GLT6D1: variants seen among roughly 807,000 people sequenced by gnomAD.
The protein encoded by GLT6D1 is putative glycosyltransferase 6 domain-containing protein 1.
A neutral mutation model predicts 12.3 loss-of-function variants in GLT6D1; 9 were observed. The observed-to-expected ratio is 0.73, with a 90% CI of 0.44 to 1.27. GLT6D1 has a LOEUF of 1.27. Ranked by LOEUF, GLT6D1 falls within the 50% of genes most tolerant of loss-of-function variation. The probability of loss-of-function intolerance (pLI) is 0.00; values close to 1 mark genes in which losing one functional copy is unlikely to be tolerated. For synonymous variants in GLT6D1, 128 were observed against 132.3 expected (o/e 0.97, Z 0.23); for missense variants, 335 against 346.2 (o/e 0.97, Z 0.26).
At chr9:135,633,904 T>C (rs2119146430) in intron 2 of GLT6D1, among the ~76,000 whole-genome samples, 1 of 152,314 alleles carries the variant, frequency 6.6e-6, no homozygotes, top group South Asian at 2.1e-4. Context: ...GAGCACCTCC[T>C]ACATGCCAGG....
chr9:135,629,033 A>C (rs982984025), intron 3 of GLT6D1, among the ~76,000 whole-genome samples: 2 of 151,854 alleles, frequency 1.3e-5, no homozygotes, highest in Admixed American at 1.3e-4. Flanking sequence ...TTTCTCTATT[A>C]TTCTTCTATT....
At chr9:135,629,582 G>C (rs541466877) in intron 3 of GLT6D1, among the ~76,000 whole-genome samples, 40 of 152,088 alleles carry the variant, frequency 2.6e-4, no homozygotes, top group Non-Finnish European at 2.6e-4. Flanking sequence ...TTCTTCTCTT[G>C]TTAGGTGGTT....
chr9:135,634,833 C>T (rs552452795), intron 2 of GLT6D1, among the ~76,000 whole-genome samples: 7 of 152,198 alleles, frequency 4.6e-5, no homozygotes, highest in South Asian at 4.2e-4. Context: ...TGACTGCAGC[C>T]GCCTCTCAGA....
chr9:135,626,394 G>T (rs1353026167), intron 3 of GLT6D1, among the ~76,000 whole-genome samples, 188 bp from the exon 4 acceptor site: 4 of 152,170 alleles, frequency 2.6e-5, no homozygotes, highest in Non-Finnish European at 2.9e-5. Context: ...TGATCTCCAC[G>T]TGGGGAAGCA....
chr9:135,635,459 C>T (rs1785934347), intron 2 of GLT6D1, among the ~76,000 whole-genome samples: 1 of 152,174 alleles, frequency 6.6e-6, no homozygotes, highest in Non-Finnish European at 1.5e-5. Context: ...AAACCAAGAT[C>T]TGTTGCTTTC....
intron 2 of GLT6D1, 124 bp downstream of exon 2, chr9:135,638,993 C>G (rs1417907709): frequency 1.1e-5 from 6 of 560,900 alleles, no homozygotes; most frequent in Non-Finnish European, 1.9e-5. Flanking sequence ...TATGGCACCA[C>G]TGCACTCCAG....
chr9:135,637,579 G>A (rs1400509937), intron 2 of GLT6D1, among the ~76,000 whole-genome samples: 1 of 151,972 alleles, frequency 6.6e-6, no homozygotes, highest in Non-Finnish European at 1.5e-5. Context: ...ATTTTTGGGT[G>A]TTAGCCGTTC....
Position 135,639,023 on chromosome 9 carries a change from C to A in GLT6D1, c.71+94G>T, listed in dbSNP as rs893572433. ...CTCCAGCCTGGGCAACAGAGTAAGA[C>A]CCTGTCTCAAAAATTAAATTAATTA... On this transcript the variant is annotated intron_variant, in intron 2 of 4. Coordinates refer to ENST00000371763, the MANE Select transcript of GLT6D1 (RefSeq NM_182974.3). The A allele has an allele frequency of 1.1e-5, 8 of 702,792 alleles. No homozygotes were observed. The African/African-American group carries it at 1.5e-4, about 13-fold the overall frequency. 43.5% of individuals were successfully genotyped at this position (702,792 alleles called of 1,614,324 possible). A position where few individuals can be genotyped will look rare whatever the true frequency, so the allele number is the denominator to read the frequency against.
In GLT6D1 at chr9:135,636,124, G is replaced by C. The variant is rs193177136; in HGVS notation, c.71+2993C>G. On this transcript the variant is annotated intron_variant, in intron 2 of 4. Coordinates refer to ENST00000371763, the MANE Select transcript of GLT6D1 (RefSeq NM_182974.3). ...AATCCCAGAATTTTGGGAGGCTGTG[G>C]CAGGCGGATCACCTGAGGTCAGGAG... is the stretch of plus-strand genomic sequence containing the variant. Among the ~76,000 whole-genome samples the C allele has an allele frequency of 2.2e-3, 330 of 152,258 alleles. 1 individual carries two copies. Among genetic ancestry groups the C allele is most frequent in the Non-Finnish European group, 3.3e-3 (222 of 68,018 alleles).
intron 3 of GLT6D1, 57 bp downstream of exon 3, chr9:135,631,373 AC>A (rs1257561600): frequency 3.8e-6 from 5 of 1,311,366 alleles, no homozygotes; most frequent in African/African-American, 1.5e-5. Flanking sequence ...AAAACCTGTT[AC>A]TTCCAATTGA....
At chr9:135,625,336 T>C (rs991525107) in intron 4 of GLT6D1, among the ~76,000 whole-genome samples, 8 of 152,170 alleles carry the variant, frequency 5.3e-5, no homozygotes, top group South Asian at 4.1e-4. Context: ...GCACACCTTT[T>C]GTACAGGACA....
chr9:135,624,487 G>A lies in GLT6D1; in HGVS notation c.441C>T (p.Pro147=). ...VGTERWWLDG[P]LVHVKSLGEH... ...CACCCAGGCTCTTCACATGCACCAG[G>A]GGGCCATCGAGCCACCACCTCTCGG... The change falls in exon 5 of 5, where the codon CCC becomes CCT. Residue 147 remains proline (P), a synonymous_variant. Coordinates refer to ENST00000371763, the MANE Select transcript of GLT6D1 (RefSeq NM_182974.3). 7 of 1,608,854 alleles carry A rather than the reference G, an allele frequency of 4.4e-6. No homozygotes were observed. The highest frequency in any genetic ancestry group is 1.3e-5 in the African/African-American group (1 of 74,534).
intron 1 of GLT6D1, 33 bp downstream of exon 1, chr9:135,639,260 C>T (rs1234317979): frequency 1.1e-6 from 1 of 895,216 alleles, no homozygotes; most frequent in East Asian, 2.6e-5. Context: ...CATCATCTAA[C>T]AATGGGTTAA....
chr9:135,631,649 T>C (rs918922395), intron 2 of GLT6D1, among the ~76,000 whole-genome samples, 171 bp from the exon 3 acceptor site: 15 of 152,004 alleles, frequency 9.9e-5, no homozygotes, highest in African/African-American at 3.6e-4. Flanking sequence ...GGGTATGAGC[T>C]AGTCTAGGAA....
At chr9:135,635,001 C>T (rs998278469) in intron 2 of GLT6D1, among the ~76,000 whole-genome samples, 10 of 152,190 alleles carry the variant, frequency 6.6e-5, no homozygotes, top group Admixed American at 3.9e-4. Context: ...GGTTCTGTGT[C>T]GTTGGTAGTG....
intron 3 of GLT6D1, among the ~76,000 whole-genome samples, chr9:135,629,948 C>G (rs907820082): frequency 2.0e-5 from 3 of 152,082 alleles, no homozygotes; most frequent in Non-Finnish European, 2.9e-5. Flanking sequence ...ATACACTTTT[C>G]AATTCTTTTA....
At position 135,639,391 on chromosome 9, in the gene GLT6D1, C is replaced by G; in HGVS notation, c.-105G>C. On this transcript the variant is annotated 5_prime_UTR_variant, in exon 1 of 5. Coordinates refer to ENST00000371763, the MANE Select transcript of GLT6D1 (RefSeq NM_182974.3). ...CAAGTGCCCGGGGCTGACTGTTCCC[C>G]GTGGGTCAGCTGCACGTGCACTGTC... 1 of 463,716 alleles carries G rather than the reference C, an allele frequency of 2.2e-6. No homozygotes were observed. Among genetic ancestry groups the G allele is most frequent in the Non-Finnish European group, 3.9e-6 (1 of 259,594 alleles). The allele number at this position is 463,716 out of a possible 1,614,324, so 28.7% of individuals were successfully genotyped here. A position where few individuals can be genotyped will look rare whatever the true frequency, so the allele number is the denominator to read the frequency against.
At chr9:135,632,724 G>A (rs10858141) in intron 2 of GLT6D1, among the ~76,000 whole-genome samples, 29,736 of 149,838 alleles carry the variant, frequency 0.2, 3,728 homozygotes, top group Middle Eastern at 0.34. Context: ...CTGGAGTGCA[G>A]TGGCGCAATC....
intron 2 of GLT6D1, 53 bp from the exon 3 acceptor site, chr9:135,631,531 T>G (rs1054080845): frequency 3.6e-6 from 5 of 1,377,556 alleles, no homozygotes; most frequent in Non-Finnish European, 5.2e-6. Context: ...CAATGTTTAT[T>G]GAGCCTGTGA....
Sources: gnomAD v4.1 joint callset for allele counts (sites outside exome capture counted in the v4.1 genomes callset) on GRCh38, gnomAD v4.1.1 for gene constraint, MANE v1.5 for transcripts, NCBI Gene and HGNC (gene_info 2026-07-23, HGNC 2026-07-21) for gene names.